Variants in FAM234A observed in about 807,000 individuals in gnomAD.
The protein encoded by FAM234A is family with sequence similarity 234 member A, also known as protein FAM234A.
A neutral mutation model predicts 49.1 loss-of-function variants in FAM234A; 42 were observed. That is an observed-to-expected ratio of 0.86 (90% CI 0.67 to 1.11). FAM234A has a LOEUF of 1.11. Among genes scored for constraint, FAM234A ranks in the 50% least tolerant of loss-of-function variants. FAM234A has a pLI of 0.00. For synonymous variants in FAM234A, 369 were observed against 316.2 expected (o/e 1.17, Z -1.77); for missense variants, 815 against 745.2 (o/e 1.09, Z -1.09).
intron 1 of FAM234A, among the ~76,000 whole-genome samples, chr16:236,166 G>A (rs1354869003): frequency 2.7e-5 from 4 of 150,130 alleles, no homozygotes; most frequent in East Asian, 4.2e-4. Flanking sequence ...ATGTTGGCCA[G>A]GCCAGTCTCA....
At chr16:269,281 A>G (rs1209291780), downstream of FAM234A, 6 of 1,571,780 alleles carry the variant, frequency 3.8e-6, no homozygotes, top group African/African-American at 2.7e-5. Context: ...AGGCCACCCC[A>G]TCTCCACCCC....
intron 1 of FAM234A, among the ~76,000 whole-genome samples, chr16:239,606 C>A (rs2050540596): frequency 7.1e-6 from 1 of 141,498 alleles, no homozygotes; most frequent in Admixed American, 7.0e-5. Context: ...CACAGCTAGG[C>A]CCCGTCTCAA....
intron 2 of FAM234A, among the ~76,000 whole-genome samples, chr16:250,396 CT>C (rs200897329): frequency 0.024 from 3,381 of 138,422 alleles, 87 homozygotes; most frequent in African/African-American, 0.097. Flanking sequence ...CCCTAGTTAC[CT>C]TTTCCAGACA....
intron 1 of FAM234A, among the ~76,000 whole-genome samples, chr16:244,070 A>C (rs532429448): frequency 1.3e-5 from 2 of 151,106 alleles, no homozygotes; most frequent in Non-Finnish European, 2.9e-5. Flanking sequence ...CCAGGTTCAC[A>C]CCATTCTCCT....
intron 1 of FAM234A, among the ~76,000 whole-genome samples, chr16:235,288 G>A (rs544798332): frequency 2.6e-4 from 40 of 152,120 alleles, no homozygotes; most frequent in Non-Finnish European, 4.6e-4. Flanking sequence ...GAATGTGGAT[G>A]AGAAGCCTCA....
chr16:261,350 G>C, intron 5 of FAM234A, 34 bp from the exon 6 acceptor site: 1 of 1,593,910 alleles, frequency 6.3e-7, no homozygotes, highest in South Asian at 1.1e-5. Context: ...AGGGGACTCA[G>C]GGCCACGTTC....
chr16:261,076 G>A (rs754055147), intron 5 of FAM234A: 4 of 292,200 alleles, frequency 1.4e-5, no homozygotes, highest in African/African-American at 4.4e-5. Flanking sequence ...TCCAGGACAC[G>A]CAGATAGGAG....
At chr16:268,547 C>A, downstream of FAM234A, 1 of 582,786 alleles carries the variant, frequency 1.7e-6, no homozygotes, top group Admixed American at 3.0e-5. Flanking sequence ...GGATCAGGGA[C>A]GCCTGGCAAG....
downstream of FAM234A, chr16:269,741 C>T (rs1334042512): frequency 6.6e-6 from 4 of 609,114 alleles, no homozygotes; most frequent in Admixed American, 1.2e-4. Flanking sequence ...CCTGCCCAGA[C>T]CAAGGCAGAC....
At chr16:243,150 T>G (rs1280280284) in intron 1 of FAM234A, among the ~76,000 whole-genome samples, 1 of 151,966 alleles carries the variant, frequency 6.6e-6, no homozygotes, top group Non-Finnish European at 1.5e-5. Flanking sequence ...CTAATTTTAT[T>G]TTACTTTTTG....
chr16:258,666 T>C (rs2141319833), intron 3 of FAM234A, among the ~76,000 whole-genome samples: 1 of 152,356 alleles, frequency 6.6e-6, no homozygotes, highest in East Asian at 1.9e-4. Context: ...AATGAGCTGT[T>C]GGGTACACCT....
At chr16:266,850 G>T (rs1268579910), downstream of FAM234A, among the ~76,000 whole-genome samples, 1 of 152,136 alleles carries the variant, frequency 6.6e-6, no homozygotes, top group Non-Finnish European at 1.5e-5. Context: ...GAGGGAGAAG[G>T]GAAGGTTCAC....
At position 237,221 on chromosome 16, in the gene FAM234A, A is replaced by G. The variant is rs561013916; in HGVS notation, c.-140+2364A>G. On this transcript the variant is annotated intron_variant, in intron 1 of 12. Transcript: ENST00000399932. Reference sequence around the variant, plus strand: ...ATGCCCACCCCTTCTTTTTCTTTTCAGGCTCCTTGCTTCCATTCTGCTGAC... The same window carrying G: ...ATGCCCACCCCTTCTTTTTCTTTTCGGGCTCCTTGCTTCCATTCTGCTGAC... Among the ~76,000 whole-genome samples, 16 of 152,038 alleles carry G rather than the reference A, an allele frequency of 1.1e-4. 1 individual carries two copies. The East Asian group carries it at 1.2e-3, about 11-fold the overall frequency.
chr16:263,507 G>C, intron 9 of FAM234A, 105 bp downstream of exon 9: 1 of 1,475,574 alleles, frequency 6.8e-7, no homozygotes, highest in Non-Finnish European at 9.2e-7. Flanking sequence ...GGGGCCGGAG[G>C]CCGTGTGCTG....
At position 241,814 on chromosome 16, in the gene FAM234A, G is replaced by A. The variant is rs560273591; in HGVS notation, c.-140+6957G>A. 5.9e-5 allele frequency among the ~76,000 whole-genome samples: 9 copies of A among 151,532 alleles called. No individual in the cohort carries two copies. In the South Asian group the frequency reaches 1.0e-3, roughly 18 times the overall value. On this transcript the variant is annotated intron_variant, in intron 1 of 12. Transcript: ENST00000399932. The stretch of plus-strand genomic sequence containing the variant: ...CACCTGTAGTCCCAGCTACTGGGGA[G>A]GCTGAGGCTTGAAACCAGGAGGCGG...
Position 266,036 on chromosome 16 carries a change from G to T in FAM234A, c.*1014G>T, listed in dbSNP as rs1367104030. ...GAGCCTGAGCTTCGTAGCCAAAGCA[G>T]CCTGATGACCCACCCACCAAGGAAG... is the stretch of plus-strand genomic sequence containing the variant. On this transcript the variant is annotated 3_prime_UTR_variant, in exon 13 of 13. Coordinates refer to ENST00000399932, the MANE Select transcript of FAM234A (RefSeq NM_032039.4). The T allele has an allele frequency of 1.4e-5, 14 of 985,920 alleles. No homozygotes were observed. Among genetic ancestry groups the T allele is most frequent in the Non-Finnish European group, 1.7e-5 (14 of 830,104 alleles). The allele number at this position is 985,920 out of a possible 1,614,324, so 61.1% of individuals were successfully genotyped here.
chr16:257,170 C>T lies in FAM234A; in HGVS notation c.269-2313C>T, dbSNP rs190036063. The stretch of plus-strand genomic sequence containing the variant: ...CTAGGACTACCGGTGTGAACCACCA[C>T]GCCCAGCCTTTCCACTCTCTTGATA... On this transcript the variant is annotated intron_variant, in intron 3 of 12. Coordinates refer to ENST00000399932, the MANE Select transcript of FAM234A (RefSeq NM_032039.4). 3.3e-3 allele frequency among the ~76,000 whole-genome samples: 497 copies of T among 151,998 alleles called. 3 individuals are homozygous for T. The highest frequency in any genetic ancestry group is 0.011 in the African/African-American group (456 of 41,462).
In FAM234A at chr16:265,866, G is replaced by A; in HGVS notation, c.*844G>A. 1 of 986,014 alleles carries A rather than the reference G, an allele frequency of 1.0e-6. No homozygotes were observed. Among genetic ancestry groups the A allele is most frequent in the East Asian group, 1.1e-4 (1 of 8,816 alleles). 61.1% of individuals were successfully genotyped at this position (986,014 alleles called of 1,614,324 possible). On this transcript the variant is annotated 3_prime_UTR_variant, in exon 13 of 13. Coordinates refer to ENST00000399932, the MANE Select transcript of FAM234A (RefSeq NM_032039.4). The stretch of plus-strand genomic sequence containing the variant: ...TCCCTGAAGAGGCCCCGTGCCCCAG[G>A]CATGGCAAGCGCCTGCCTCTCCCCT...
intron 2 of FAM234A, among the ~76,000 whole-genome samples, chr16:252,894 CA>C (rs1350611518): frequency 6.6e-6 from 1 of 152,160 alleles, no homozygotes; most frequent in African/African-American, 2.4e-5. Flanking sequence ...TTTCATCTTT[CA>C]CCCCTCCCTT....
Sources: allele counts gnomAD v4.1 joint callset (sites outside exome capture counted in the v4.1 genomes callset), GRCh38; gene constraint gnomAD v4.1.1; transcripts MANE v1.5; gene names NCBI Gene and HGNC (gene_info 2026-07-23, HGNC 2026-07-21).